ELMO1: variants seen among roughly 807,000 people sequenced by gnomAD.
ELMO1 encodes engulfment and cell motility protein 1.
Under a neutral mutation model 98.9 loss-of-function variants are expected in ELMO1, and 26 were observed. The observed-to-expected ratio is 0.26, with a 90% CI of 0.19 to 0.36. The LOEUF (loss-of-function observed/expected upper bound fraction) is 0.36, where lower values mean the gene tolerates loss of function less well. Among genes scored for constraint, ELMO1 ranks in the 10% least tolerant of loss-of-function variants. ELMO1 has a pLI of 1.00. For missense variants in ELMO1, 627 were observed against 935.2 expected (o/e 0.67, Z 4.30); for synonymous variants, 346 against 346.0 (o/e 1.00, Z 0.00).
At chr7:37,297,027 A>AGATAAAAGC (rs1798060893) in intron 4 of ELMO1, among the ~76,000 whole-genome samples, 2 of 151,800 alleles carry the variant, frequency 1.3e-5, no homozygotes, top group African/African-American at 4.8e-5. Flanking sequence ...GCCTGATTTA[A>AGATAAAAGC]GATAAAAGCA....
intron 1 of ELMO1, among the ~76,000 whole-genome samples, chr7:37,382,733 T>C (rs897750699): frequency 1.3e-5 from 2 of 152,004 alleles, no homozygotes; most frequent in African/African-American, 4.8e-5. Flanking sequence ...CTTTGTCTTA[T>C]CACTTCTCTG....
chr7:36,925,372 C>A (rs1785483098), intron 16 of ELMO1, among the ~76,000 whole-genome samples: 1 of 152,200 alleles, frequency 6.6e-6, no homozygotes, highest in Admixed American at 6.5e-5. Context: ...TAGCTCCCAG[C>A]CCCTCAGATC....
intron 15 of ELMO1, among the ~76,000 whole-genome samples, chr7:37,038,994 T>TA (rs1467173760): frequency 6.6e-6 from 1 of 152,212 alleles, no homozygotes; most frequent in African/African-American, 2.4e-5. Context: ...CATTGCCAGT[T>TA]AGAACTTCAA....
rs114621985 is a variant in ELMO1, at chr7:37,402,271, G to A, written c.-74+46404C>T. Among the ~76,000 whole-genome samples, 1,306 of 152,176 alleles carry A rather than the reference G, an allele frequency of 8.6e-3. 26 individuals carry two copies. The highest frequency in any genetic ancestry group is 0.03 in the African/African-American group (1,247 of 41,498). ...AGGCCAGGTTGTGAGTGAGAATATCGTTACAGGAAGAAACCATGAGCAGAA... is the reference window on the plus strand; with the variant it reads ...AGGCCAGGTTGTGAGTGAGAATATCATTACAGGAAGAAACCATGAGCAGAA... On this transcript the variant is annotated intron_variant, in intron 1 of 21. Transcript: ENST00000310758.
At chr7:37,244,119 A>T (rs1186378690) in intron 7 of ELMO1, among the ~76,000 whole-genome samples, 3 of 152,210 alleles carry the variant, frequency 2.0e-5, no homozygotes, top group Non-Finnish European at 4.4e-5. Flanking sequence ...TTACAGCATC[A>T]CTTAGTGGTT....
rs550359370 is a variant in ELMO1 at position 37,013,646 on chromosome 7, C to T, written c.1301-211G>A. 8.4e-5 allele frequency: 46 copies of T among 545,886 alleles called. 1 individual carries two copies. In the South Asian group the frequency reaches 1.0e-3, roughly 12 times the overall value. The allele number at this position is 545,886 out of a possible 1,614,324, so 33.8% of individuals were successfully genotyped here. On this transcript the variant is annotated intron_variant, in intron 15 of 21. Coordinates refer to ENST00000310758, the MANE Select transcript of ELMO1 (RefSeq NM_014800.11). ...CCAGATAGTCAGACCTAGCCTTAGA[C>T]ACATATTTTTGGACTCATAAAAGTC...
chr7:37,283,352 C>T (rs931492115), intron 4 of ELMO1, among the ~76,000 whole-genome samples: 4 of 152,202 alleles, frequency 2.6e-5, no homozygotes, highest in African/African-American at 9.7e-5. Flanking sequence ...TCCAAAGACA[C>T]CAAGTTGCTT....
At chr7:37,161,937 T>TATA (rs1270129084) in intron 13 of ELMO1, among the ~76,000 whole-genome samples, 27 of 111,636 alleles carry the variant, frequency 2.4e-4, no homozygotes, top group Admixed American at 3.0e-4. Context: ...TATATATATG[T>TATA]TAAGCGTGAT....
intron 13 of ELMO1, among the ~76,000 whole-genome samples, chr7:37,194,515 A>G (rs1320415146): frequency 6.6e-6 from 1 of 152,058 alleles, no homozygotes; most frequent in Non-Finnish European, 1.5e-5. Context: ...CCATCTTTTT[A>G]CTACCACCGA....
At position 36,855,680 on chromosome 7, in the gene ELMO1, G is replaced by A; in HGVS notation, c.2055C>T (p.Asp685=). 1 of 1,614,118 alleles carries A rather than the reference G, an allele frequency of 6.2e-7. No homozygotes were observed. The change falls in exon 22 of 22, where the codon GAC becomes GAT. Residue 685 remains aspartate (D), a synonymous_variant. Transcript: ENST00000310758. The surrounding 1 kb of genome is among the most constrained non-coding windows in gnomAD (Gnocchi z 4.2). ...KDMMSDLTRN[D]LDTLLSMEIK... ...TTTCCATGCTGAGCAGGGTGTCCAG[G>A]TCATTCCGCGTCAGGTCGCTCATCA...
chr7:37,294,261 A>G (rs1797911180), intron 4 of ELMO1, among the ~76,000 whole-genome samples: 1 of 151,620 alleles, frequency 6.6e-6, no homozygotes, highest in Non-Finnish European at 1.5e-5. Flanking sequence ...GGAGGCTGAG[A>G]CAGGAGAATC....
intron 5 of ELMO1, among the ~76,000 whole-genome samples, chr7:37,260,023 T>C (rs1300577189): frequency 6.6e-6 from 1 of 152,248 alleles, no homozygotes; most frequent in East Asian, 1.9e-4. Flanking sequence ...ACTTGGCTTC[T>C]ACATGCAGGA....
intron 13 of ELMO1, among the ~76,000 whole-genome samples, chr7:37,185,255 T>A (rs144875580): frequency 2.4e-4 from 37 of 152,326 alleles, no homozygotes; most frequent in African/African-American, 8.9e-4. Context: ...TTCAAAGATA[T>A]TACAATAGAA....
intron 15 of ELMO1, among the ~76,000 whole-genome samples, chr7:37,028,858 C>T (rs190487267): frequency 6.6e-6 from 1 of 152,248 alleles, no homozygotes; most frequent in East Asian, 1.9e-4. Context: ...GGCTAATATC[C>T]TGAAAGATTA....
intron 4 of ELMO1, among the ~76,000 whole-genome samples, chr7:37,294,283 G>A (rs952744528): frequency 1.6e-4 from 24 of 151,606 alleles, no homozygotes; most frequent in African/African-American, 4.4e-4. Flanking sequence ...CTTGAACCCG[G>A]GAGGCGGAGG....
At chr7:37,376,209 T>C (rs1217336344) in intron 1 of ELMO1, among the ~76,000 whole-genome samples, 4 of 152,218 alleles carry the variant, frequency 2.6e-5, no homozygotes, top group Non-Finnish European at 4.4e-5. Context: ...CCACTGTTTT[T>C]AAACATTTTT....
intron 13 of ELMO1, among the ~76,000 whole-genome samples, chr7:37,199,855 A>G (rs746983020): frequency 2.6e-5 from 4 of 152,070 alleles, no homozygotes; most frequent in Non-Finnish European, 5.9e-5. Flanking sequence ...ATCTCTCTGC[A>G]CCCCTAGGAA....
At chr7:37,212,375 A>G (rs1049349479) in intron 12 of ELMO1, among the ~76,000 whole-genome samples, 5 of 152,356 alleles carry the variant, frequency 3.3e-5, no homozygotes, top group African/African-American at 1.2e-4. Flanking sequence ...TGGTTAAAAT[A>G]GTAAACTTTC....
intron 16 of ELMO1, among the ~76,000 whole-genome samples, chr7:36,932,034 C>T (rs934116682): frequency 2.0e-5 from 3 of 152,282 alleles, no homozygotes; most frequent in East Asian, 1.9e-4. Flanking sequence ...AAAACACATG[C>T]TGAGGTGTAA....
Sources: allele counts gnomAD v4.1 joint callset (sites outside exome capture counted in the v4.1 genomes callset), GRCh38; gene constraint gnomAD v4.1.1; non-coding constraint Gnocchi (gnomAD v3.1); transcripts MANE v1.5; gene names NCBI Gene and HGNC (gene_info 2026-07-23, HGNC 2026-07-21).